Variants in TBC1D1 observed in about 807,000 individuals in gnomAD.
TBC1D1 encodes TBC1 domain family member 1, also known as TBC1 (tre-2/USP6, BUB2, cdc16) domain family, member 1.
Under a neutral mutation model 125.6 loss-of-function variants are expected in TBC1D1, and 89 were observed. That is an observed-to-expected ratio of 0.71 (90% CI 0.60 to 0.85). The LOEUF (loss-of-function observed/expected upper bound fraction) is 0.85, where lower values mean the gene tolerates loss of function less well. Among genes scored for constraint, TBC1D1 ranks in the 40% least tolerant of loss-of-function variants. The pLI, the probability that TBC1D1 is intolerant of heterozygous loss-of-function variation, is 0.00. For missense variants in TBC1D1, 1,377 were observed against 1,469.2 expected (o/e 0.94, Z 1.03); for synonymous variants, 565 against 564.1 (o/e 1.00, Z -0.02).
chr4:38,090,262 G>T, intron 13 of TBC1D1, 145 bp downstream of exon 15: 1 of 748,262 alleles, frequency 1.3e-6, no homozygotes. Context: ...TACTTTTTCA[G>T]AGTAATATTA....
chr4:38,064,874 CG>C (rs1255042221), intron 12 of TBC1D1, among the ~76,000 whole-genome samples: 1 of 151,890 alleles, frequency 6.6e-6, no homozygotes, highest in African/African-American at 2.4e-5. Flanking sequence ...TCACCTGCCT[CG>C]GCCTCCCAAA....
At chr4:37,963,344 G>T (rs531064424) in intron 2 of TBC1D1, among the ~76,000 whole-genome samples, 5 of 152,034 alleles carry the variant, frequency 3.3e-5, no homozygotes, top group African/African-American at 9.7e-5. Context: ...GAAGGCCAAG[G>T]AGGGAGCAGG....
chr4:37,937,409 T>G (rs1724617784), intron 2 of TBC1D1, among the ~76,000 whole-genome samples: 1 of 152,152 alleles, frequency 6.6e-6, no homozygotes, highest in Admixed American at 6.6e-5. Flanking sequence ...CGATAAAAAT[T>G]CAATCAATTC....
Position 37,932,923 on chromosome 4 carries a change from G to A in TBC1D1, c.417+30411G>A, listed in dbSNP as rs114908462. 5.6e-3 allele frequency among the ~76,000 whole-genome samples: 856 copies of A among 152,130 alleles called. 7 individuals are homozygous for A. Among genetic ancestry groups the A allele is most frequent in the Non-Finnish European group, 7.3e-3 (493 of 67,982 alleles). On this transcript the variant is annotated intron_variant, in intron 2 of 19. Transcript: ENST00000261439. ...AATGCAAAAATTAGCCAGAGGTGGC[G>A]GCGGGTGCCTGTAATCCCAGCTACT...
intron 12 of TBC1D1, among the ~76,000 whole-genome samples, chr4:38,068,819 A>T (rs561522222): frequency 1.2e-4 from 19 of 152,162 alleles, no homozygotes; most frequent in Non-Finnish European, 2.4e-4. Flanking sequence ...ACATTCCCTT[A>T]TCCCAGAAAG....
rs747433831 is a variant in TBC1D1, at chr4:38,014,817, C to A, written c.726C>A (p.Arg242=). The A allele has an allele frequency of 6.2e-7, 1 of 1,611,340 alleles. No individual in the cohort carries two copies. Among genetic ancestry groups the A allele is most frequent in the South Asian group, 1.1e-5 (1 of 91,030 alleles). ...AGTCCTTCTCCCAGCCCGGCCTGCGCTCGCTGGCCTTTAGGAAGGAGCTGC... is the reference window on the plus strand; with the variant it reads ...AGTCCTTCTCCCAGCCCGGCCTGCGATCGCTGGCCTTTAGGAAGGAGCTGC... Residue 242 remains arginine (R), a synonymous_variant, in exon 3 of 20, where the codon CGC becomes CGA. Transcript: ENST00000261439. This position sits in a 1 kb window ranked among gnomAD's most constrained non-coding sequence, Gnocchi z 5.1.
At chr4:37,965,708 G>A (rs775199835) in intron 2 of TBC1D1, among the ~76,000 whole-genome samples, 46 of 152,206 alleles carry the variant, frequency 3.0e-4, no homozygotes, top group South Asian at 1.2e-3. Flanking sequence ...AGCGAAGGCT[G>A]CCAGGTGCAA....
intron 15 of TBC1D1, among the ~76,000 whole-genome samples, chr4:38,104,749 A>ATTT (rs33994276): frequency 0.023 from 3,379 of 148,622 alleles, 59 homozygotes; most frequent in East Asian, 0.068. Context: ...CCTTAAGGTT[A>ATTT]TTTTTTTTTT....
intron 2 of TBC1D1, among the ~76,000 whole-genome samples, chr4:37,994,380 C>A (rs898876848): frequency 6.6e-6 from 1 of 152,154 alleles, no homozygotes; most frequent in Non-Finnish European, 1.5e-5. Context: ...GCCTTAAACT[C>A]CCAGGCTCAA....
At position 37,977,630 on chromosome 4, in the gene TBC1D1, G is replaced by A. The variant is rs1733458424; in HGVS notation, c.418-36879G>A. Reference sequence around the variant, plus strand: ...GCCGGGGCTGGGCCGGGCCGCTGGAGGCCAGGCGCGGCGGGGGGCGAGCGG... The same window carrying A: ...GCCGGGGCTGGGCCGGGCCGCTGGAAGCCAGGCGCGGCGGGGGGCGAGCGG... On this transcript the variant is annotated intron_variant, in intron 2 of 19. Coordinates refer to ENST00000261439, the MANE Select transcript of TBC1D1 (RefSeq NM_015173.4). This position sits in a 1 kb window ranked among gnomAD's most constrained non-coding sequence, Gnocchi z 4.3. The A allele has an allele frequency of 1.5e-5, 4 of 262,602 alleles. No homozygotes were observed. Among genetic ancestry groups the A allele is most frequent in the Non-Finnish European group, 2.4e-5 (4 of 165,670 alleles). 16.3% of individuals were successfully genotyped at this position (262,602 alleles called of 1,614,324 possible). A position where few individuals can be genotyped will look rare whatever the true frequency, so the allele number is the denominator to read the frequency against.
At chr4:37,976,641 C>T (rs1271247627) in intron 2 of TBC1D1, among the ~76,000 whole-genome samples, 1 of 150,376 alleles carries the variant, frequency 6.6e-6, no homozygotes, top group African/African-American at 2.5e-5. Flanking sequence ...AGCGATTAAA[C>T]CTTTGGACTT....
chr4:38,054,331 A>G lies in TBC1D1; in HGVS notation c.2043A>G (p.Arg681=), dbSNP rs546041151. ...AGAAGGCGTGCGATTCTTCCAGCAGATATGAAGGTAAGGCCGGTACCTGAA... is the reference window on the plus strand; with the variant it reads ...AGAAGGCGTGCGATTCTTCCAGCAGGTATGAAGGTAAGGCCGGTACCTGAA... The change falls in exon 12 of 20, where the codon AGA becomes AGG. Residue 681 remains arginine (R), a synonymous_variant. Transcript: ENST00000261439. The G allele has an allele frequency of 3.1e-6, 5 of 1,614,108 alleles. No homozygotes were observed. The African/African-American group carries it at 6.7e-5, about 22-fold the overall frequency.
At chr4:37,967,190 A>G (rs1731227411) in intron 2 of TBC1D1, among the ~76,000 whole-genome samples, 1 of 152,078 alleles carries the variant, frequency 6.6e-6, no homozygotes. Flanking sequence ...ATTTTAAAGG[A>G]ATTTTATTAA....
chr4:37,980,740 A>C (rs755827036), intron 2 of TBC1D1, among the ~76,000 whole-genome samples: 4 of 152,212 alleles, frequency 2.6e-5, no homozygotes, highest in Non-Finnish European at 4.4e-5. Context: ...TAAAGTACTT[A>C]ACTGTGTATT....
At chr4:38,111,895 G>A (rs775121520) in intron 15 of TBC1D1, 68 of 984,578 alleles carry the variant, frequency 6.9e-5, no homozygotes, top group Non-Finnish European at 7.8e-5. Context: ...CTGAAGGCCA[G>A]AGACTCACAG....
chr4:38,059,569 C>G (rs1752384240), intron 12 of TBC1D1, among the ~76,000 whole-genome samples: 1 of 151,826 alleles, frequency 6.6e-6, no homozygotes, highest in Admixed American at 6.6e-5. Context: ...AGTGCATTCT[C>G]TCTTGGTGCT....
rs150836808 is a variant in TBC1D1, at chr4:37,893,796, T to G, written c.-94+2448T>G. Among the ~76,000 whole-genome samples the G allele has an allele frequency of 6.8e-3, 1,035 of 152,198 alleles. 11 individuals are homozygous for G. Among genetic ancestry groups the G allele is most frequent in the African/African-American group, 0.024 (981 of 41,564 alleles). ...AAACATGATCGTGCCACTGAGTCCA[T>G]TCAGCAGCAGAGTAGTGTTGGGGTT... is the stretch of plus-strand genomic sequence containing the variant. On this transcript the variant is annotated intron_variant, in intron 1 of 19. Transcript: ENST00000261439.
chr4:37,903,907 A>G (rs1716727380), intron 2 of TBC1D1, among the ~76,000 whole-genome samples: 1 of 152,328 alleles, frequency 6.6e-6, no homozygotes, highest in Admixed American at 6.5e-5. Flanking sequence ...ATGGAGCTCA[A>G]AACCACCATT....
At chr4:37,943,868 T>C (rs1030601061) in intron 2 of TBC1D1, among the ~76,000 whole-genome samples, 5 of 152,230 alleles carry the variant, frequency 3.3e-5, no homozygotes, top group African/African-American at 1.2e-4. Flanking sequence ...CTTTGTTCCA[T>C]TGCTGGTGAG....
Sources: allele counts gnomAD v4.1 joint callset (sites outside exome capture counted in the v4.1 genomes callset), GRCh38; gene constraint gnomAD v4.1.1; non-coding constraint Gnocchi (gnomAD v3.1); transcripts MANE v1.5; gene names NCBI Gene and HGNC (gene_info 2026-07-23, HGNC 2026-07-21).